HMCN1: variants seen among roughly 807,000 people sequenced by gnomAD.
HMCN1 encodes the protein hemicentin 1, also known as hemicentin-1.
In HMCN1, 321 loss-of-function variants were observed where a neutral mutation model predicts 625.9. That is an observed-to-expected ratio of 0.51 (90% confidence interval 0.47 to 0.56). HMCN1 has a LOEUF of 0.56. Among genes scored for constraint, HMCN1 ranks in the 20% least tolerant of loss-of-function variants. The pLI, the probability that HMCN1 is intolerant of heterozygous loss-of-function variation, is 0.00. For synonymous variants in HMCN1, 2,425 were observed against 2,417.6 expected (o/e 1.00, Z -0.09); for missense variants, 6,588 against 6,887.3 (o/e 0.96, Z 1.54).
At chr1:186,173,406 T>C (rs1257134333) in intron 102 of HMCN1, among the ~76,000 whole-genome samples, 1 of 151,984 alleles carries the variant, frequency 6.6e-6, no homozygotes, top group African/African-American at 2.4e-5. Context: ...TTCCTTATCA[T>C]TTAAGAGTAG....
At chr1:186,147,292 G>A (rs1650372063) in intron 93 of HMCN1, among the ~76,000 whole-genome samples, 1 of 151,690 alleles carries the variant, frequency 6.6e-6, no homozygotes, top group African/African-American at 2.4e-5. Context: ...TCCCTAAATA[G>A]TAGGTAGTAG....
At chr1:186,046,903 C>G in intron 41 of HMCN1, among the ~76,000 whole-genome samples, 1 of 152,092 alleles carries the variant, frequency 6.6e-6, no homozygotes, top group African/African-American at 2.4e-5. Context: ...ACAGAGAAAT[C>G]AAAAGATCAG....
At chr1:185,821,339 C>T (rs1571401877) in intron 1 of HMCN1, among the ~76,000 whole-genome samples, 1 of 151,964 alleles carries the variant, frequency 6.6e-6, no homozygotes, top group African/African-American at 2.4e-5. Flanking sequence ...AATTATATGT[C>T]ATTAGTTGTT....
intron 1 of HMCN1, among the ~76,000 whole-genome samples, chr1:185,811,357 A>G (rs527642262): frequency 1.3e-5 from 2 of 152,082 alleles, no homozygotes; most frequent in East Asian, 3.9e-4. Flanking sequence ...ATCACAGTCT[A>G]CTTGAAACAG....
intron 48 of HMCN1, among the ~76,000 whole-genome samples, chr1:186,063,066 G>GTGTATATATATATA (rs1491400415): frequency 3.3e-4 from 10 of 29,916 alleles, no homozygotes; most frequent in Non-Finnish European, 4.2e-4. Flanking sequence ...GTGTGTGTGT[G>GTGTATATATATATA]CATATATATA....
At chr1:185,926,093 A>G (rs910773992) in intron 9 of HMCN1, among the ~76,000 whole-genome samples, 12 of 152,244 alleles carry the variant, frequency 7.9e-5, no homozygotes, top group Non-Finnish European at 1.8e-4. Context: ...GCAAACCTTG[A>G]AAACTGGAGA....
intron 100 of HMCN1, among the ~76,000 whole-genome samples, chr1:186,167,846 T>C (rs1200631556): frequency 6.6e-6 from 1 of 152,170 alleles, no homozygotes; most frequent in Non-Finnish European, 1.5e-5. Flanking sequence ...ATAATAAATA[T>C]TCCATTATCT....
rs149914246 is a variant in HMCN1 at position 186,114,944 on chromosome 1, A to T, written c.11402A>T (p.His3801Leu). 42 of 1,614,080 alleles carry T rather than the reference A, an allele frequency of 2.6e-5. No homozygotes were observed. Among genetic ancestry groups the T allele is most frequent in the Middle Eastern group, 1.6e-4 (1 of 6,084 alleles). ...TDRRRIDLQV[H>L]VPPSIAPGPT... The stretch of plus-strand genomic sequence containing the variant: ...CGCAGGCGAATAGATTTACAGGTCC[A>T]TGGTAAATATCCGTTTATAGACAAC... Residue 3801 changes from histidine to leucine, a missense_variant and splice_region_variant, in exon 74 of 107, where the codon CAT (histidine) becomes CTT (leucine). By Grantham distance (99) the His-to-Leu change is moderately conservative (BLOSUM62 -3). Around this residue, in one of 3 missense-constraint regions of HMCN1, gnomAD observed 4,628 missense variants for 4,853.1 expected, o/e 0.95. Transcript: ENST00000271588.
chr1:185,975,283 AAG>A (rs1323198678), intron 15 of HMCN1, among the ~76,000 whole-genome samples: 2 of 152,184 alleles, frequency 1.3e-5, no homozygotes, highest in African/African-American at 4.8e-5. Context: ...TTGTGAAGAA[AAG>A]AGGTTTAATT....
chr1:186,022,656 A>G (rs1203374682), intron 35 of HMCN1, among the ~76,000 whole-genome samples: 1 of 152,154 alleles, frequency 6.6e-6, no homozygotes, highest in African/African-American at 2.4e-5. Flanking sequence ...TTTAATAAAA[A>G]GTCATTGTTT....
At chr1:185,753,355 G>A (rs985698186) in intron 1 of HMCN1, among the ~76,000 whole-genome samples, 2 of 151,982 alleles carry the variant, frequency 1.3e-5, no homozygotes, top group Admixed American at 1.3e-4. Context: ...TGTGACTTCT[G>A]TTTTTCTTAT....
At chr1:185,859,284 A>G (rs1662719002) in intron 2 of HMCN1, among the ~76,000 whole-genome samples, 1 of 152,138 alleles carries the variant, frequency 6.6e-6, no homozygotes, top group Non-Finnish European at 1.5e-5. Flanking sequence ...AAAGTTCATG[A>G]AAGACTTAAT....
chr1:186,165,528 C>T (rs1651824543), intron 98 of HMCN1, among the ~76,000 whole-genome samples: 1 of 152,194 alleles, frequency 6.6e-6, no homozygotes, highest in South Asian at 2.1e-4. Context: ...GAGAGAGCCA[C>T]AACATTAAGT....
At chr1:185,751,498 T>C (rs1288217061) in intron 1 of HMCN1, among the ~76,000 whole-genome samples, 2 of 152,168 alleles carry the variant, frequency 1.3e-5, no homozygotes, top group African/African-American at 2.4e-5. Context: ...TGATTTTGTC[T>C]TTCCTGCCTG....
intron 97 of HMCN1, among the ~76,000 whole-genome samples, chr1:186,164,561 C>T (rs1322310722): frequency 6.6e-6 from 1 of 152,102 alleles, no homozygotes; most frequent in African/African-American, 2.4e-5. Flanking sequence ...TCTTTTCTAT[C>T]ACAATATGCC....
At chr1:186,177,076 G>A (rs1004015527) in intron 103 of HMCN1, 8 of 147,274 alleles carry the variant, frequency 5.4e-5, no homozygotes, top group East Asian at 3.9e-4. Context: ...AGGTCGAGGC[G>A]GGTGGATCAC....
At chr1:186,004,141 A>G (rs987339076) in intron 29 of HMCN1, among the ~76,000 whole-genome samples, 10 of 152,186 alleles carry the variant, frequency 6.6e-5, no homozygotes, top group African/African-American at 2.2e-4. Context: ...AGATCTAAAC[A>G]TGAGATGATT....
At chr1:186,165,016 C>A in intron 97 of HMCN1, 95 bp from the exon 98 acceptor site, 3 of 1,081,948 alleles carry the variant, frequency 2.8e-6, no homozygotes, top group Non-Finnish European at 2.8e-6. Context: ...TGTGTTTCAT[C>A]TTTGGCATAT....
chr1:185,750,329 C>A (rs1654715960), intron 1 of HMCN1, among the ~76,000 whole-genome samples: 1 of 152,068 alleles, frequency 6.6e-6, no homozygotes, highest in African/African-American at 2.4e-5. Context: ...TACCTATGTC[C>A]AAAAGATCAA....
Sources: gnomAD v4.1 joint callset for allele counts (sites outside exome capture counted in the v4.1 genomes callset) on GRCh38, gnomAD v4.1.1 for gene constraint, gnomAD v4.1.1 regional missense constraint, MANE v1.5 for transcripts, NCBI Gene and HGNC (gene_info 2026-07-23, HGNC 2026-07-21) for gene names.